The following ANKRD6 variants were observed in gnomAD, a reference collection of about 807,000 sequenced individuals.
ANKRD6 encodes ankyrin repeat domain-containing protein 6.
Under a neutral mutation model 82.3 loss-of-function variants are expected in ANKRD6, and 56 were observed. The ratio of observed to expected loss-of-function variants is 0.68; its 90% confidence interval spans 0.55 to 0.85. The LOEUF (loss-of-function observed/expected upper bound fraction) is 0.85. Ranked by LOEUF, ANKRD6 falls within the 40% of genes least tolerant of loss-of-function variation. The probability of loss-of-function intolerance (pLI) is 0.00; values close to 1 mark genes in which losing one functional copy is unlikely to be tolerated. For synonymous variants in ANKRD6, 347 were observed against 352.1 expected (o/e 0.99, Z 0.16); for missense variants, 852 against 907.6 (o/e 0.94, Z 0.79).
intron 1 of ANKRD6, among the ~76,000 whole-genome samples, chr6:89,548,793 C>T (rs146469513): frequency 6.6e-5 from 10 of 152,256 alleles, no homozygotes; most frequent in Non-Finnish European, 1.0e-4. Context: ...ATGAGGGTTA[C>T]GCAGCGTCTT....
intron 9 of ANKRD6, chr6:89,618,387 AAGT>A (rs1479141537): frequency 5.1e-6 from 3 of 586,440 alleles, no homozygotes; most frequent in Non-Finnish European, 9.1e-6. Context: ...ATCCCTGAAG[AAGT>A]GGGACAGGGA....
intron 1 of ANKRD6, among the ~76,000 whole-genome samples, chr6:89,525,430 G>T (rs956229016): frequency 6.6e-6 from 1 of 152,054 alleles, no homozygotes; most frequent in African/African-American, 2.4e-5. Context: ...GCATTTCCAC[G>T]CTGTTGTTTT....
chr6:89,539,716 G>T (rs1225622526), intron 1 of ANKRD6, among the ~76,000 whole-genome samples: 15 of 151,078 alleles, frequency 9.9e-5, no homozygotes, highest in Non-Finnish European at 1.9e-4. Flanking sequence ...TCACTCTGCT[G>T]TGCTATCAAA....
At chr6:89,606,196 A>C in intron 5 of ANKRD6, 91 bp downstream of exon 5, 1 of 1,068,394 alleles carries the variant, frequency 9.4e-7, no homozygotes. Flanking sequence ...CAGTGAGAAG[A>C]GTGAGAGCCC....
chr6:89,573,085 T>A (rs1583380799), intron 2 of ANKRD6, among the ~76,000 whole-genome samples: 1 of 152,002 alleles, frequency 6.6e-6, no homozygotes, highest in Non-Finnish European at 1.5e-5. Context: ...CTCAGCCTCC[T>A]GAGTAGCTGG....
intron 7 of ANKRD6, among the ~76,000 whole-genome samples, chr6:89,616,012 T>C (rs946477063): frequency 4.6e-5 from 7 of 152,248 alleles, no homozygotes; most frequent in African/African-American, 1.7e-4. Context: ...ACAAAGCATA[T>C]CCTGAGCCTG....
chr6:89,504,735 T>C (rs1779651758), intron 1 of ANKRD6, among the ~76,000 whole-genome samples: 1 of 152,136 alleles, frequency 6.6e-6, no homozygotes, highest in East Asian at 1.9e-4. Flanking sequence ...AGGAAACAAA[T>C]TGGGAATTTG....
At chr6:89,474,315 A>G (rs1406445336) in intron 1 of ANKRD6, among the ~76,000 whole-genome samples, 1 of 152,170 alleles carries the variant, frequency 6.6e-6, no homozygotes, top group Non-Finnish European at 1.5e-5. Context: ...TTTTTCCCAC[A>G]TCTCTGTAGC....
intron 12 of ANKRD6, among the ~76,000 whole-genome samples, 197 bp downstream of exon 12, chr6:89,624,254 G>A (rs1804764799): frequency 6.6e-6 from 1 of 152,190 alleles, no homozygotes; most frequent in Admixed American, 6.5e-5. Flanking sequence ...GACAGGGTGT[G>A]TAGCTGCAGA....
intron 2 of ANKRD6, among the ~76,000 whole-genome samples, chr6:89,585,798 C>T (rs959560551): frequency 6.6e-6 from 1 of 152,170 alleles, no homozygotes; most frequent in African/African-American, 2.4e-5. Flanking sequence ...GTCCCAGCTA[C>T]TCAGGAGGCT....
intron 15 of ANKRD6, chr6:89,629,458 A>G: frequency 1.6e-6 from 1 of 606,232 alleles, no homozygotes; most frequent in Non-Finnish European, 2.9e-6. Flanking sequence ...TATTTGAATA[A>G]AGGAATTAAA....
At chr6:89,454,963 C>A (rs936914099) in intron 1 of ANKRD6, among the ~76,000 whole-genome samples, 1 of 152,094 alleles carries the variant, frequency 6.6e-6, no homozygotes, top group African/African-American at 2.4e-5. Flanking sequence ...GCCTCAGCCT[C>A]CCGAGTAGCT....
chr6:89,609,222 C>T (rs1009459659), intron 5 of ANKRD6, among the ~76,000 whole-genome samples: 5 of 152,222 alleles, frequency 3.3e-5, no homozygotes, highest in African/African-American at 1.2e-4. Flanking sequence ...TAGTGCCTGG[C>T]TCACAGCTCA....
At chr6:89,529,186 A>G (rs1187865568) in intron 1 of ANKRD6, among the ~76,000 whole-genome samples, 1 of 152,246 alleles carries the variant, frequency 6.6e-6, no homozygotes, top group Non-Finnish European at 1.5e-5. Context: ...AGGCTGATTC[A>G]TGTACATTGA....
chr6:89,629,039 A>C, intron 14 of ANKRD6, 73 bp from the exon 15 acceptor site: 1 of 1,498,696 alleles, frequency 6.7e-7, no homozygotes, highest in South Asian at 1.2e-5. Flanking sequence ...TGATGCTTTA[A>C]TTCATAAACC....
At chr6:89,588,862 G>A (rs1159276390) in intron 2 of ANKRD6, among the ~76,000 whole-genome samples, 1 of 151,946 alleles carries the variant, frequency 6.6e-6, no homozygotes, top group Non-Finnish European at 1.5e-5. Context: ...AAAATTAGCT[G>A]GGTGTGGTGG....
intron 7 of ANKRD6, among the ~76,000 whole-genome samples, chr6:89,614,496 A>T (rs1317903565): frequency 6.6e-6 from 1 of 152,126 alleles, no homozygotes; most frequent in East Asian, 1.9e-4. Flanking sequence ...AAATACAAAA[A>T]TTAGCCAGGC....
chr6:89,548,904 T>G (rs1785451976), intron 1 of ANKRD6, among the ~76,000 whole-genome samples: 2 of 152,156 alleles, frequency 1.3e-5, no homozygotes. Context: ...CCAAAACTCG[T>G]GTTGAAATTT....
At chr6:89,463,204 T>C (rs1015524985) in intron 1 of ANKRD6, among the ~76,000 whole-genome samples, 5 of 152,224 alleles carry the variant, frequency 3.3e-5, no homozygotes, top group Non-Finnish European at 1.5e-5. Context: ...AAGTAAAATA[T>C]ATAAGAGCAG....
Sources: allele counts gnomAD v4.1 joint callset (sites outside exome capture counted in the v4.1 genomes callset), GRCh38; gene constraint gnomAD v4.1.1; transcripts MANE v1.5; gene names NCBI Gene and HGNC (gene_info 2026-07-23, HGNC 2026-07-21).